Variants in NEK11 observed in about 807,000 individuals in gnomAD.
NEK11 encodes the protein serine/threonine-protein kinase Nek11.
A neutral mutation model predicts 80.7 loss-of-function variants in NEK11; 72 were observed. That is an observed-to-expected ratio of 0.89 (90% CI 0.74 to 1.08). The LOEUF (loss-of-function observed/expected upper bound fraction) is 1.08. Among genes scored for constraint, NEK11 ranks in the 50% least tolerant of loss-of-function variants. The pLI is 0.00. For missense variants in NEK11, 764 were observed against 763.6 expected (o/e 1.00, Z -0.01); for synonymous variants, 251 against 260.7 (o/e 0.96, Z 0.36).
intron 4 of NEK11, among the ~76,000 whole-genome samples, chr3:131,083,043 T>C (rs2149055496): frequency 6.6e-6 from 1 of 152,310 alleles, no homozygotes; most frequent in Middle Eastern, 3.4e-3. Context: ...CAGCATCACT[T>C]GGGAACTTGC....
At chr3:131,066,827 G>T (rs1364548619) in intron 3 of NEK11, among the ~76,000 whole-genome samples, 2 of 142,626 alleles carry the variant, frequency 1.4e-5, no homozygotes, top group African/African-American at 2.7e-5. Flanking sequence ...GGGCGACAGA[G>T]CCAGACTTGT....
chr3:131,167,269 C>T (rs1473714373), intron 12 of NEK11, among the ~76,000 whole-genome samples: 1 of 152,204 alleles, frequency 6.6e-6, no homozygotes, highest in African/African-American at 2.4e-5. Context: ...TCTTCAGGGT[C>T]TTGTCTTCCT....
chr3:131,055,049 G>A (rs1477147974), intron 3 of NEK11, among the ~76,000 whole-genome samples: 3 of 152,162 alleles, frequency 2.0e-5, no homozygotes, highest in African/African-American at 7.2e-5. Context: ...AAACTGTCTA[G>A]ACCATGGCAT....
intron 17 of NEK11, among the ~76,000 whole-genome samples, chr3:131,287,566 G>A (rs1198967037): frequency 3.3e-5 from 5 of 152,270 alleles, no homozygotes; most frequent in South Asian, 2.1e-4. Context: ...GAGCCACTGC[G>A]CCCTGCCAAA....
At chr3:131,214,398 A>G (rs1580316532) in intron 14 of NEK11, among the ~76,000 whole-genome samples, 1 of 152,006 alleles carries the variant, frequency 6.6e-6, no homozygotes, top group East Asian at 1.9e-4. Flanking sequence ...AGCACATCCC[A>G]CTATGTACCA....
intron 16 of NEK11, among the ~76,000 whole-genome samples, chr3:131,244,860 G>C (rs1217440778): frequency 6.6e-6 from 1 of 152,074 alleles, no homozygotes; most frequent in African/African-American, 2.4e-5. Flanking sequence ...AGAGATTTAG[G>C]CTGCGGTGAG....
intron 16 of NEK11, among the ~76,000 whole-genome samples, chr3:131,245,068 T>A (rs1354599901): frequency 6.6e-6 from 1 of 152,012 alleles, no homozygotes; most frequent in Non-Finnish European, 1.5e-5. Flanking sequence ...TTAAGTAATT[T>A]TTTTATCACT....
rs115369158 is a variant in NEK11 at position 131,311,854 on chromosome 3, G to A, written c.1719-37703G>A. ...AGAAGATAAAGATTTAGCAAAAATT[G>A]TAAACCACTGTCTGTTGTTTTAGAG... On this transcript the variant is annotated intron_variant, in intron 17 of 17. Coordinates refer to ENST00000383366, the MANE Select transcript of NEK11 (RefSeq NM_024800.5). Among the ~76,000 whole-genome samples the A allele has an allele frequency of 8.5e-3, 1,291 of 152,338 alleles. 13 individuals are homozygous for A. The highest frequency in any genetic ancestry group is 0.028 in the African/African-American group (1,145 of 41,572).
At position 131,116,208 on chromosome 3, in the gene NEK11, G is replaced by A. The variant is rs183359088; in HGVS notation, c.455+6287G>A. On this transcript the variant is annotated intron_variant, in intron 5 of 17. Transcript: ENST00000383366. ...TTCTCATTGTTCAGTTCTCACCTAT[G>A]AGTGAGAACGTGCAGTGTTTGGTTT... is the stretch of plus-strand genomic sequence containing the variant. Among the ~76,000 whole-genome samples, 18 of 151,966 alleles carry A rather than the reference G, an allele frequency of 1.2e-4. No individual in the cohort carries two copies. The East Asian group carries it at 3.1e-3, about 26-fold the overall frequency.
intron 16 of NEK11, among the ~76,000 whole-genome samples, chr3:131,252,853 C>T (rs1171419820): frequency 6.6e-6 from 1 of 152,002 alleles, no homozygotes; most frequent in African/African-American, 2.4e-5. Context: ...CACACTCACC[C>T]CAATTTATAA....
chr3:131,304,582 C>T (rs2096702299), intron 17 of NEK11, among the ~76,000 whole-genome samples: 2 of 151,962 alleles, frequency 1.3e-5, no homozygotes, highest in African/African-American at 4.8e-5. Flanking sequence ...TTGCTTTTAT[C>T]GTCTTTGATG....
rs145335272 is a variant in NEK11 at position 131,115,020 on chromosome 3, C to T, written c.455+5099C>T. Among the ~76,000 whole-genome samples, 15 of 152,250 alleles carry T rather than the reference C, an allele frequency of 9.9e-5. No homozygotes were observed. The East Asian group carries it at 2.9e-3, about 29-fold the overall frequency. On this transcript the variant is annotated intron_variant, in intron 5 of 17. Transcript: ENST00000383366. ...ACTGGGCAGTAGATGCCCAGAATTA[C>T]ACATTGTTTACAGGTGTGTCTTTGA...
chr3:131,099,942 C>G (rs147314963), intron 4 of NEK11, among the ~76,000 whole-genome samples: 3 of 152,218 alleles, frequency 2.0e-5, no homozygotes, highest in Non-Finnish European at 4.4e-5. Flanking sequence ...GTTTTGGATG[C>G]CTTTTATTTC....
intron 14 of NEK11, among the ~76,000 whole-genome samples, chr3:131,189,674 A>G (rs1194537272): frequency 2.6e-5 from 4 of 152,166 alleles, no homozygotes; most frequent in Admixed American, 2.0e-4. Flanking sequence ...TCATTTTTGT[A>G]TAGCAGTCAA....
In NEK11 at chr3:131,310,680, T is replaced by C. The variant is rs928110540; in HGVS notation, c.1718+37106T>C. ...GAGTGTCAGCTGCAGGGAGATGTGT[T>C]TCTTGGCTGCTTCTAAAACATCTGC... On this transcript the variant is annotated intron_variant, in intron 17 of 17. Transcript: ENST00000383366. Among the ~76,000 whole-genome samples the C allele has an allele frequency of 2.0e-5, 3 of 152,322 alleles. No homozygotes were observed. In the East Asian group the frequency reaches 5.8e-4, roughly 29 times the overall value.
chr3:131,192,487 G>A (rs2093835853), intron 14 of NEK11, among the ~76,000 whole-genome samples: 1 of 152,076 alleles, frequency 6.6e-6, no homozygotes, highest in African/African-American at 2.4e-5. Context: ...TTTGTATACC[G>A]ATGTTCACAG....
intron 14 of NEK11, among the ~76,000 whole-genome samples, chr3:131,214,280 G>C (rs1428456009): frequency 6.6e-6 from 1 of 152,146 alleles, no homozygotes; most frequent in Non-Finnish European, 1.5e-5. Flanking sequence ...CTGGTTTTAA[G>C]GTTGGTGAGT....
intron 15 of NEK11, among the ~76,000 whole-genome samples, chr3:131,242,487 C>T (rs1055064543): frequency 3.3e-5 from 5 of 152,096 alleles, no homozygotes; most frequent in African/African-American, 9.7e-5. Context: ...GGAAGAAATG[C>T]AAAAGTTCCA....
intron 17 of NEK11, among the ~76,000 whole-genome samples, chr3:131,290,119 T>C (rs181565786): frequency 1.3e-5 from 2 of 152,326 alleles, no homozygotes; most frequent in East Asian, 1.9e-4. Flanking sequence ...CTGAAATGTA[T>C]TTTCCCATGC....
Sources: allele counts gnomAD v4.1 joint callset (sites outside exome capture counted in the v4.1 genomes callset), GRCh38; gene constraint gnomAD v4.1.1; transcripts MANE v1.5; gene names NCBI Gene and HGNC (gene_info 2026-07-23, HGNC 2026-07-21).